The following ZCCHC7 variants were observed in gnomAD, a reference collection of about 807,000 sequenced individuals.
The protein encoded by ZCCHC7 is zinc finger CCHC domain-containing protein 7.
A neutral mutation model predicts 52.0 loss-of-function variants in ZCCHC7; 35 were observed. The ratio of observed to expected loss-of-function variants is 0.67; its 90% CI spans 0.51 to 0.89. The LOEUF (loss-of-function observed/expected upper bound fraction) is 0.89. Ranked by LOEUF, ZCCHC7 falls within the 40% of genes least tolerant of loss-of-function variation. ZCCHC7 has a pLI of 0.00. For synonymous variants in ZCCHC7, 217 were observed against 221.5 expected (o/e 0.98, Z 0.18); for missense variants, 574 against 649.1 (o/e 0.88, Z 1.26).
At chr9:37,214,672 C>A (rs1824411935) in intron 2 of ZCCHC7, among the ~76,000 whole-genome samples, 1 of 151,530 alleles carries the variant, frequency 6.6e-6, no homozygotes, top group African/African-American at 2.4e-5. Flanking sequence ...TAATTTAATT[C>A]TTATTTTCTT....
rs145463161 is a variant in ZCCHC7, at chr9:37,128,318, A to G, written c.610+1376A>G. The stretch of plus-strand genomic sequence containing the variant: ...GATGGATTGAGGCAGATGAGAGAAC[A>G]TATGGGGATGTGTTTGATTTTCTTA... On this transcript the variant is annotated intron_variant, in intron 2 of 8. Coordinates refer to ENST00000336755, the MANE Select transcript of ZCCHC7 (RefSeq NM_032226.3). Among the ~76,000 whole-genome samples the G allele has an allele frequency of 2.8e-3, 434 of 152,316 alleles. 2 individuals are homozygous for G. The highest frequency in any genetic ancestry group is 9.8e-3 in the African/African-American group (408 of 41,556).
intron 2 of ZCCHC7, among the ~76,000 whole-genome samples, chr9:37,300,750 A>T (rs1377894012): frequency 6.6e-6 from 1 of 152,206 alleles, no homozygotes; most frequent in Non-Finnish European, 1.5e-5. Flanking sequence ...TCTTAGCTTT[A>T]AAGGGAGAAA....
intron 8 of ZCCHC7, 128 bp from the exon 9 acceptor site, chr9:37,356,707 G>C: frequency 1.3e-6 from 1 of 792,112 alleles, no homozygotes. Flanking sequence ...AATTTTTAGT[G>C]AGTGATGTCA....
chr9:37,257,058 GGCTTT>G (rs1271923181), intron 2 of ZCCHC7, among the ~76,000 whole-genome samples: 11 of 152,134 alleles, frequency 7.2e-5, no homozygotes, highest in Non-Finnish European at 1.5e-5. Context: ...TTTTCAAGGT[GGCTTT>G]GAATAGAGCA....
intron 2 of ZCCHC7, among the ~76,000 whole-genome samples, chr9:37,297,516 C>G (rs1176559079): frequency 1.3e-5 from 2 of 152,182 alleles, no homozygotes; most frequent in African/African-American, 4.8e-5. Context: ...TCATTGTATG[C>G]TGAATCATAC....
chr9:37,314,739 C>T (rs972155949), intron 5 of ZCCHC7, among the ~76,000 whole-genome samples: 2 of 134,704 alleles, frequency 1.5e-5, no homozygotes, highest in South Asian at 2.4e-4. Flanking sequence ...TAGCAAGACC[C>T]GATCTCTTTT....
intron 2 of ZCCHC7, among the ~76,000 whole-genome samples, chr9:37,230,022 C>G (rs1283687884): frequency 3.9e-5 from 6 of 152,198 alleles, no homozygotes; most frequent in Non-Finnish European, 4.4e-5. Flanking sequence ...GTTAATATCG[C>G]TGTCTTCCAC....
chr9:37,129,178 C>T (rs1248867082), intron 2 of ZCCHC7, among the ~76,000 whole-genome samples: 1 of 152,162 alleles, frequency 6.6e-6, no homozygotes, highest in Non-Finnish European at 1.5e-5. Context: ...AGAGAATCTA[C>T]AGACATGCTA....
At chr9:37,258,189 C>T (rs1409549979) in intron 2 of ZCCHC7, among the ~76,000 whole-genome samples, 1 of 152,164 alleles carries the variant, frequency 6.6e-6, no homozygotes, top group Non-Finnish European at 1.5e-5. Flanking sequence ...TCCTTTATGT[C>T]TCTGTTCCTC....
chr9:37,180,533 T>C (rs1295022986), intron 2 of ZCCHC7, among the ~76,000 whole-genome samples: 1 of 152,178 alleles, frequency 6.6e-6, no homozygotes, highest in African/African-American at 2.4e-5. Flanking sequence ...GTCTTGTCTT[T>C]TTGAATGCTG....
chr9:37,246,356 A>G (rs1350075416), intron 2 of ZCCHC7, among the ~76,000 whole-genome samples: 1 of 152,156 alleles, frequency 6.6e-6, no homozygotes, highest in Non-Finnish European at 1.5e-5. Context: ...AATCAGCATG[A>G]GAATGTTAAC....
At chr9:37,154,233 C>G (rs1301719086) in intron 2 of ZCCHC7, among the ~76,000 whole-genome samples, 1 of 152,122 alleles carries the variant, frequency 6.6e-6, no homozygotes, top group Admixed American at 6.6e-5. Context: ...GGTGTCAACT[C>G]TTCTTTCCTT....
At chr9:37,255,958 C>T (rs1826566920) in intron 2 of ZCCHC7, among the ~76,000 whole-genome samples, 2 of 152,134 alleles carry the variant, frequency 1.3e-5, no homozygotes, top group African/African-American at 4.8e-5. Context: ...TTCTTTACTT[C>T]TTTCCATGTA....
chr9:37,310,429 G>C (rs907482655), intron 5 of ZCCHC7, among the ~76,000 whole-genome samples: 8 of 152,196 alleles, frequency 5.3e-5, no homozygotes, highest in African/African-American at 1.9e-4. Context: ...TGTGTTTACT[G>C]TGCTGGAGGA....
chr9:37,140,664 G>GA (rs1391418686), intron 2 of ZCCHC7, among the ~76,000 whole-genome samples: 1 of 151,964 alleles, frequency 6.6e-6, no homozygotes, highest in Non-Finnish European at 1.5e-5. Flanking sequence ...TCTAACAGAA[G>GA]AAACGTAAGT....
At chr9:37,339,056 A>T (rs1362946796) in intron 6 of ZCCHC7, among the ~76,000 whole-genome samples, 1 of 152,174 alleles carries the variant, frequency 6.6e-6, no homozygotes, top group Non-Finnish European at 1.5e-5. Flanking sequence ...TTAACACATA[A>T]AAGTATTATG....
intron 6 of ZCCHC7, among the ~76,000 whole-genome samples, chr9:37,342,264 G>T (rs780253484): frequency 4.1e-4 from 62 of 152,170 alleles, no homozygotes; most frequent in Non-Finnish European, 8.2e-4. Context: ...TTTGGCCTAA[G>T]AAACTGGAAG....
chr9:37,121,136 C>G (rs1174282498), intron 1 of ZCCHC7, among the ~76,000 whole-genome samples: 1 of 152,180 alleles, frequency 6.6e-6, no homozygotes, highest in East Asian at 1.9e-4. Flanking sequence ...ACTGTGTTTA[C>G]TAAGGCGCCC....
chr9:37,258,756 T>TAA (rs1826715624), intron 2 of ZCCHC7, among the ~76,000 whole-genome samples: 5 of 67,780 alleles, frequency 7.4e-5, no homozygotes, highest in African/African-American at 5.0e-4. Flanking sequence ...ATCCTGTCTC[T>TAA]TAAAAAAAAA....
Sources: allele counts gnomAD v4.1 joint callset (sites outside exome capture counted in the v4.1 genomes callset), GRCh38; gene constraint gnomAD v4.1.1; transcripts MANE v1.5; gene names NCBI Gene and HGNC (gene_info 2026-07-23, HGNC 2026-07-21).